The following CSNK2A1 variants were observed in gnomAD, a reference collection of about 807,000 sequenced individuals.
The protein encoded by CSNK2A1 is casein kinase 2 alpha 1, also known as casein kinase II subunit alpha.
In CSNK2A1, 10 loss-of-function variants were observed where a neutral mutation model predicts 62.9. That is an observed-to-expected ratio of 0.16 (90% CI 0.10 to 0.27). CSNK2A1 has a LOEUF of 0.27. CSNK2A1 is among the 10% of genes least tolerant of loss of function. The pLI is 1.00. For missense variants in CSNK2A1, 160 were observed against 492.0 expected, an observed-to-expected ratio of 0.33 and a Z score of 6.38; for synonymous variants, 124 against 167.8, an observed-to-expected ratio of 0.74 and a Z score of 2.02.
rs6037787 is a variant in CSNK2A1, at chr20:492,083, C to T, written c.621+171G>A. Reference sequence around the variant, plus strand: ...TTATGACAATAAAAGTAATGTAAGTCATGGTACATGAATTAAGGTGATTTA... The same window carrying T: ...TTATGACAATAAAAGTAATGTAAGTTATGGTACATGAATTAAGGTGATTTA... On this transcript the variant is annotated intron_variant, in intron 9 of 13. Transcript: ENST00000217244. 0.093 allele frequency among the ~76,000 whole-genome samples: 14,083 copies of T among 152,058 alleles called. 775 individuals are homozygous for T. Among genetic ancestry groups the T allele is most frequent in the African/African-American group, 0.14 (5,889 of 41,440 alleles).
chr20:542,159 T>C (rs1390547317), intron 1 of CSNK2A1, among the ~76,000 whole-genome samples: 1 of 152,244 alleles, frequency 6.6e-6, no homozygotes, highest in African/African-American at 2.4e-5. Context: ...AGGTAAAAGC[T>C]ACTTACTACA....
intron 1 of CSNK2A1, among the ~76,000 whole-genome samples, chr20:537,428 A>T (rs1284931302): frequency 6.6e-6 from 1 of 152,164 alleles, no homozygotes; most frequent in South Asian, 2.1e-4. Context: ...TCTTAGCAGT[A>T]TCTTGTGATA....
At chr20:517,411 T>C (rs1163983611) in intron 2 of CSNK2A1, among the ~76,000 whole-genome samples, 1 of 152,260 alleles carries the variant, frequency 6.6e-6, no homozygotes, top group African/African-American at 2.4e-5. Flanking sequence ...AAAGGCATTC[T>C]TTCTCTTGGT....
At chr20:516,679 A>C (rs547133721) in intron 2 of CSNK2A1, among the ~76,000 whole-genome samples, 13 of 152,350 alleles carry the variant, frequency 8.5e-5, no homozygotes, top group African/African-American at 2.9e-4. Context: ...GTAACAGTCC[A>C]ATACCAGAAA....
chr20:494,399 G>C (rs904628469), intron 8 of CSNK2A1: 8 of 152,114 alleles, frequency 5.3e-5, no homozygotes, highest in Non-Finnish European at 1.2e-4. Flanking sequence ...AGATTTTGTT[G>C]CTCTGAGATA....
intron 8 of CSNK2A1, 132 bp downstream of exon 8, chr20:495,587 A>G (rs1354835234): frequency 6.0e-6 from 4 of 663,344 alleles, no homozygotes; most frequent in South Asian, 5.6e-5. Context: ...AAATTCGTAC[A>G]TTCATTCACC....
intron 3 of CSNK2A1, chr20:506,089 G>C (rs542048187): frequency 1.3e-5 from 2 of 151,808 alleles, no homozygotes; most frequent in African/African-American, 2.4e-5. Flanking sequence ...TGTTAGCCAG[G>C]ATGGTCTCGA....
chr20:518,933 C>CT (rs796982756), intron 2 of CSNK2A1, among the ~76,000 whole-genome samples: 6,930 of 123,672 alleles, frequency 0.056, 248 homozygotes, highest in African/African-American at 0.086. Flanking sequence ...GTTGGATATA[C>CT]TTTTTTTTTT....
chr20:488,595 A>C, intron 11 of CSNK2A1, 83 bp downstream of exon 11: 1 of 1,374,682 alleles, frequency 7.3e-7, no homozygotes, highest in Non-Finnish European at 1.0e-6. Flanking sequence ...CAAAGAAAAC[A>C]TAACTATTTT....
At chr20:528,144 C>T (rs1394297981) in intron 1 of CSNK2A1, 95 bp from the exon 2 acceptor site, 5 of 152,194 alleles carry the variant, frequency 3.3e-5, no homozygotes, top group African/African-American at 1.2e-4. Flanking sequence ...AGAACCACTA[C>T]AACCTACATC....
intron 1 of CSNK2A1, among the ~76,000 whole-genome samples, chr20:532,798 T>C (rs551352318): frequency 6.6e-6 from 1 of 152,310 alleles, no homozygotes; most frequent in South Asian, 2.1e-4. Context: ...CTTTCAAGTA[T>C]AGACCAGATG....
chr20:536,882 C>T (rs2019343129), intron 1 of CSNK2A1, among the ~76,000 whole-genome samples: 1 of 148,976 alleles, frequency 6.7e-6, no homozygotes, highest in Non-Finnish European at 1.5e-5. Context: ...GCTGAATGAA[C>T]AACATCTTCT....
chr20:529,857 T>A (rs1298257884), intron 1 of CSNK2A1, among the ~76,000 whole-genome samples: 1 of 152,230 alleles, frequency 6.6e-6, no homozygotes, highest in East Asian at 1.9e-4. Flanking sequence ...CTGATGATAA[T>A]CAGGTTTGGT....
At chr20:488,181 G>C (rs1713194443) in intron 11 of CSNK2A1, 1 of 168,820 alleles carries the variant, frequency 5.9e-6, no homozygotes, top group Admixed American at 6.0e-5. Context: ...CTGGACTACT[G>C]CCACACATCA....
In CSNK2A1 at chr20:473,974, A is replaced by C. The variant is rs1313299195; in HGVS notation, c.*9987T>G. On this transcript the variant is annotated 3_prime_UTR_variant, in exon 14 of 14. Transcript: ENST00000217244. ...CTCTGTCAACAAAGAGGAAGGGAGG[A>C]ATGACTCCCTTGGGAGGAGACAACA... 2.0e-5 allele frequency: 3 copies of C among 152,234 alleles called. No individual in the cohort carries two copies. Among genetic ancestry groups the C allele is most frequent in the African/African-American group, 7.2e-5 (3 of 41,462 alleles). 9.4% of individuals were successfully genotyped at this position (152,234 alleles called of 1,614,324 possible). A position where few individuals can be genotyped will look rare whatever the true frequency, so the allele number is the denominator to read the frequency against.
intron 3 of CSNK2A1, 61 bp downstream of exon 3, chr20:508,390 C>G: frequency 1.3e-6 from 2 of 1,581,396 alleles, no homozygotes; most frequent in Non-Finnish European, 1.7e-6. Flanking sequence ...AAAAACTACT[C>G]AACAGATCCA....
At chr20:525,424 G>T (rs576584678) in intron 2 of CSNK2A1, among the ~76,000 whole-genome samples, 1 of 151,236 alleles carries the variant, frequency 6.6e-6, no homozygotes, top group African/African-American at 2.4e-5. Flanking sequence ...AGGCTGAGGC[G>T]GGCGGATCAC....
chr20:492,090 C>A (rs2018247735), intron 9 of CSNK2A1, among the ~76,000 whole-genome samples, 164 bp downstream of exon 9: 2 of 151,920 alleles, frequency 1.3e-5, no homozygotes, highest in South Asian at 4.2e-4. Flanking sequence ...AGTCATGGTA[C>A]ATGAATTAAG....
chr20:513,366 G>GA (rs1410266892), intron 2 of CSNK2A1, among the ~76,000 whole-genome samples: 3 of 152,210 alleles, frequency 2.0e-5, no homozygotes, highest in Non-Finnish European at 4.4e-5. Flanking sequence ...GATGAAGTGA[G>GA]ATGATCTTCC....
Sources: allele counts gnomAD v4.1 joint callset (sites outside exome capture counted in the v4.1 genomes callset), GRCh38; gene constraint gnomAD v4.1.1; transcripts MANE v1.5; gene names NCBI Gene and HGNC (gene_info 2026-07-23, HGNC 2026-07-21).